PDE4A: variants seen among roughly 807,000 people sequenced by gnomAD.
PDE4A encodes the protein 3',5'-cyclic-AMP phosphodiesterase 4A.
Under a neutral mutation model 73.9 loss-of-function variants are expected in PDE4A, and 21 were observed. That is an observed-to-expected ratio of 0.28 (90% CI 0.20 to 0.41). The LOEUF is 0.41. PDE4A is among the 10% of genes least tolerant of loss of function. PDE4A has a pLI of 1.00. For synonymous variants in PDE4A, 463 were observed against 505.4 expected (o/e 0.92, Z 1.13); for missense variants, 958 against 1,211.4 (o/e 0.79, Z 3.10).
rs550613500 is a variant in PDE4A, at chr19:10,424,560, G to A, written c.320+3476G>A. Among the ~76,000 whole-genome samples, 8 of 152,256 alleles carry A rather than the reference G, an allele frequency of 5.3e-5. No homozygotes were observed. The highest frequency in any genetic ancestry group is 1.2e-4 in the African/African-American group (5 of 41,466). ...CTGCTCCAGGGACGCCGCCAGTCCCGGAGCAAAGCAAAGTCGCCGCCACCG... is the reference window on the plus strand; with the variant it reads ...CTGCTCCAGGGACGCCGCCAGTCCCAGAGCAAAGCAAAGTCGCCGCCACCG... On this transcript the variant is annotated intron_variant, in intron 1 of 14. Coordinates refer to ENST00000380702, the MANE Select transcript of PDE4A (RefSeq NM_001111307.2). The surrounding 1 kb of genome is among the most constrained non-coding windows in gnomAD (Gnocchi z 4.8).
upstream of PDE4A, chr19:10,420,500 G>A: frequency 1.1e-6 from 1 of 911,580 alleles, no homozygotes; most frequent in Non-Finnish European, 1.3e-6. The surrounding 1 kb of genome is among the most constrained non-coding windows in gnomAD (Gnocchi z 6.0). Context: ...CGGGGCTGGC[G>A]CCGAGCGGGC....
At chr19:10,430,839 G>A (rs2042777893) in intron 1 of PDE4A, 1 of 1,163,454 alleles carries the variant, frequency 8.6e-7, no homozygotes, top group Non-Finnish European at 1.1e-6. Context: ...GGGCCGCCCC[G>A]CGGCCATGGC....
upstream of PDE4A, chr19:10,417,348 G>A (rs1346202139): frequency 1.0e-6 from 1 of 985,156 alleles, no homozygotes; most frequent in Non-Finnish European, 1.2e-6. Context: ...TGGAGGTTGG[G>A]AAGAGACCCT....
At chr19:10,452,053 G>C (rs1232512871) in intron 6 of PDE4A, among the ~76,000 whole-genome samples, 2 of 150,580 alleles carry the variant, frequency 1.3e-5, no homozygotes, top group African/African-American at 4.9e-5. Flanking sequence ...GTGTGTGTGT[G>C]TGTGTGTGTA....
At chr19:10,430,453 A>C (rs2042772255) in intron 1 of PDE4A, among the ~76,000 whole-genome samples, 1 of 151,186 alleles carries the variant, frequency 6.6e-6, no homozygotes, top group Non-Finnish European at 1.5e-5. Context: ...GGGTTGTCTC[A>C]GGGACAATGA....
chr19:10,448,828 C>T (rs1282018731), intron 2 of PDE4A, 89 bp from the exon 3 acceptor site: 4 of 1,592,026 alleles, frequency 2.5e-6, no homozygotes, highest in Non-Finnish European at 3.4e-6. Context: ...CCCTCCCTCT[C>T]AGCCTCCCTG....
chr19:10,451,364 C>T (rs1705956551), intron 6 of PDE4A, among the ~76,000 whole-genome samples: 1 of 151,892 alleles, frequency 6.6e-6, no homozygotes, highest in Non-Finnish European at 1.5e-5. Context: ...TGGGGTGTGT[C>T]TGTCTGGTTG....
intron 7 of PDE4A, among the ~76,000 whole-genome samples, chr19:10,455,288 C>A (rs935507589): frequency 2.6e-5 from 4 of 151,994 alleles, no homozygotes; most frequent in Admixed American, 6.6e-5. Context: ...CATGGTGAAA[C>A]CCCATCTCTA....
At chr19:10,417,923 G>T, upstream of PDE4A, 1 of 1,501,052 alleles carries the variant, frequency 6.7e-7, no homozygotes, top group Non-Finnish European at 8.9e-7. Context: ...TGCCAACTGG[G>T]CTAGGTCCAG....
rs201364704 is a variant in PDE4A at position 10,453,033 on chromosome 19, C to T, written c.784-1796C>T. On this transcript the variant is annotated intron_variant, in intron 6 of 14. Transcript: ENST00000380702. This position sits in a 1 kb window ranked among gnomAD's most constrained non-coding sequence, Gnocchi z 4.6. Reference sequence around the variant, plus strand: ...ACCCCCCACCGCCTCCACCCACTGCCGCGGGGGGGCCCGTTGGGGCCCAGG... The same window carrying T: ...ACCCCCCACCGCCTCCACCCACTGCTGCGGGGGGGCCCGTTGGGGCCCAGG... The T allele has an allele frequency of 9.2e-4, 1,231 of 1,337,478 alleles. 4 individuals carry two copies. The highest frequency in any genetic ancestry group is 1.1e-3 in the Non-Finnish European group (1,187 of 1,045,360). The allele number at this position is 1,337,478 out of a possible 1,614,324, so 82.9% of individuals were successfully genotyped here. A position where few individuals can be genotyped will look rare whatever the true frequency, so the allele number is the denominator to read the frequency against.
intron 1 of PDE4A, chr19:10,432,696 G>A (rs781064612): frequency 1.4e-4 from 129 of 894,096 alleles, no homozygotes; most frequent in Middle Eastern, 6.8e-4. Context: ...TCTGGCTGGG[G>A]CCCCACCCCC....
intron 1 of PDE4A, among the ~76,000 whole-genome samples, chr19:10,434,213 CTT>C (rs146534180): frequency 1.5e-5 from 2 of 134,762 alleles, no homozygotes; most frequent in African/African-American, 2.8e-5. Context: ...CTCTTTCTTC[CTT>C]TTTTTTTTTT....
intron 1 of PDE4A, among the ~76,000 whole-genome samples, chr19:10,432,181 G>GT (rs1207096492): frequency 7.2e-6 from 1 of 138,116 alleles, no homozygotes; most frequent in African/African-American, 2.9e-5. Context: ...GGAGACGGGG[G>GT]GGGGGGGGGG....
rs369698876 is a variant in PDE4A at position 10,426,122 on chromosome 19, GGAGTTT to G, written c.320+5042_320+5047del. ...TGATGTGGGAGGATTGCCTGAGGCT[GGAGTTT>G]GAGACCAGCCTGGGCAGCATGGTGA... On this transcript the variant is annotated intron_variant, in intron 1 of 14. Transcript: ENST00000380702. Among the ~76,000 whole-genome samples the G allele has an allele frequency of 4.1e-3, 625 of 152,062 alleles. 3 individuals are homozygous for G. Among genetic ancestry groups the G allele is most frequent in the Non-Finnish European group, 7.0e-3 (478 of 67,972 alleles).
At position 10,468,591 on chromosome 19, in the gene PDE4A, G is replaced by C. The variant is rs1443814164; in HGVS notation, c.*970G>C. The C allele has an allele frequency of 6.7e-6, 1 of 149,966 alleles. No homozygotes were observed. Among genetic ancestry groups the C allele is most frequent in the Non-Finnish European group, 1.5e-5 (1 of 67,802 alleles). The allele number at this position is 149,966 out of a possible 1,614,324, so 9.3% of individuals were successfully genotyped here. On this transcript the variant is annotated 3_prime_UTR_variant, in exon 15 of 15. Transcript: ENST00000380702. The stretch of plus-strand genomic sequence containing the variant: ...CAGTGGCCGCCTGCACCTTGGATGA[G>C]GCAGGGCCAGGCGCCCAGAACCCCC...
intron 1 of PDE4A, 29 bp downstream of exon 1, chr19:10,421,113 G>C: frequency 7.4e-7 from 1 of 1,353,510 alleles, no homozygotes; most frequent in Non-Finnish European, 9.4e-7. Flanking sequence ...GATGCGCGCG[G>C]AACGGATGGG....
intron 1 of PDE4A, among the ~76,000 whole-genome samples, chr19:10,434,359 C>A (rs1365839382): frequency 6.6e-6 from 1 of 151,802 alleles, no homozygotes; most frequent in African/African-American, 2.4e-5. Flanking sequence ...TGTATGCCAC[C>A]ATAGCCCAGC....
upstream of PDE4A, chr19:10,419,649 C>T (rs1317756123): frequency 6.6e-6 from 1 of 152,634 alleles, no homozygotes; most frequent in Non-Finnish European, 1.5e-5. Flanking sequence ...CCCCAGAGGC[C>T]CCAGGCCGAC....
At position 10,455,598 on chromosome 19, in the gene PDE4A, C is replaced by A. The variant is rs79947303; in HGVS notation, c.877+676C>A. ...GCAGTGAGCCAAGATCACACCACTG[C>A]GTTCCAGCCTGGGCAATAGAGTGAG... On this transcript the variant is annotated intron_variant, in intron 7 of 14. Coordinates refer to ENST00000380702, the MANE Select transcript of PDE4A (RefSeq NM_001111307.2). Among the ~76,000 whole-genome samples, 788 of 152,092 alleles carry A rather than the reference C, an allele frequency of 5.2e-3. 14 individuals are homozygous for A. Among genetic ancestry groups the A allele is most frequent in the East Asian group, 0.034 (175 of 5,180 alleles).
Sources: allele counts gnomAD v4.1 joint callset (sites outside exome capture counted in the v4.1 genomes callset), GRCh38; gene constraint gnomAD v4.1.1; non-coding constraint Gnocchi (gnomAD v3.1); transcripts MANE v1.5; gene names NCBI Gene and HGNC (gene_info 2026-07-23, HGNC 2026-07-21).